ADAMTSL1: variants seen among roughly 807,000 people sequenced by gnomAD.
ADAMTSL1 encodes ADAMTS like 1, also known as ADAMTS-like protein 1.
Under a neutral mutation model 201.8 loss-of-function variants are expected in ADAMTSL1, and 126 were observed. The observed-to-expected ratio is 0.62, with a 90% CI of 0.54 to 0.72. The LOEUF (loss-of-function observed/expected upper bound fraction) is 0.72, where lower values mean the gene tolerates loss of function less well. Among genes scored for constraint, ADAMTSL1 ranks in the 30% least tolerant of loss-of-function variants. The pLI is 0.00. For synonymous variants in ADAMTSL1, 1,121 were observed against 903.4 expected, an observed-to-expected ratio of 1.24 and a Z score of -4.32; for missense variants, 2,679 against 2,277.8, an observed-to-expected ratio of 1.18 and a Z score of -3.59.
chr9:18,369,832 C>CT (rs1836962918), intron 2 of ADAMTSL1, among the ~76,000 whole-genome samples: 1 of 152,178 alleles, frequency 6.6e-6, no homozygotes, highest in South Asian at 2.1e-4. Flanking sequence ...AAGAATGAAA[C>CT]TGTCTTTTGC....
At chr9:18,670,289 T>C (rs1829733284) in intron 9 of ADAMTSL1, among the ~76,000 whole-genome samples, 1 of 152,216 alleles carries the variant, frequency 6.6e-6, no homozygotes, top group Non-Finnish European at 1.5e-5. Flanking sequence ...GCACGGTATC[T>C]GAAAGACACA....
At chr9:18,293,446 T>C (rs1169163017) in intron 2 of ADAMTSL1, among the ~76,000 whole-genome samples, 1 of 152,234 alleles carries the variant, frequency 6.6e-6, no homozygotes, top group African/African-American at 2.4e-5. Context: ...ATTAATTGAC[T>C]AGACCAGCAG....
At chr9:18,063,130 A>G (rs142723347) in intron 1 of ADAMTSL1, among the ~76,000 whole-genome samples, 1 of 152,156 alleles carries the variant, frequency 6.6e-6, no homozygotes, top group African/African-American at 2.4e-5. Flanking sequence ...GGAGTTCAAG[A>G]CCAGCCTGAG....
intron 23 of ADAMTSL1, among the ~76,000 whole-genome samples, chr9:18,860,539 T>C (rs959374905): frequency 6.6e-6 from 1 of 152,064 alleles, no homozygotes; most frequent in African/African-American, 2.4e-5. Flanking sequence ...ACTCCTGCTC[T>C]GGCCTTCTTA....
At position 18,509,329 on chromosome 9, in the gene ADAMTSL1, A is replaced by G. The variant is rs1422650650; in HGVS notation, c.191+4373A>G. Among the ~76,000 whole-genome samples, 8 of 149,204 alleles carry G rather than the reference A, an allele frequency of 5.4e-5. No individual in the cohort carries two copies. In the South Asian group the frequency reaches 1.1e-3, roughly 20 times the overall value. On this transcript the variant is annotated intron_variant, in intron 2 of 28. Transcript: ENST00000380548. Reference sequence around the variant, plus strand: ...GTTTTTTCCCTCAACAACTGGTTCTATCTATTCTAGTACCAGCAAGAATTT... The same window carrying G: ...GTTTTTTCCCTCAACAACTGGTTCTGTCTATTCTAGTACCAGCAAGAATTT...
chr9:18,857,078 C>A (rs938659361), intron 23 of ADAMTSL1, among the ~76,000 whole-genome samples: 1 of 152,020 alleles, frequency 6.6e-6, no homozygotes, highest in Non-Finnish European at 1.5e-5. Context: ...TGTTCTACTT[C>A]TTGGTTTGAG....
chr9:18,680,549 G>A, intron 11 of ADAMTSL1, 33 bp downstream of exon 11: 3 of 1,608,230 alleles, frequency 1.9e-6, no homozygotes, highest in Non-Finnish European at 2.6e-6. Flanking sequence ...TTCATTAGGA[G>A]AGTAAGTCCA....
At chr9:17,974,726 A>G (rs1323637589) in intron 1 of ADAMTSL1, among the ~76,000 whole-genome samples, 2 of 152,066 alleles carry the variant, frequency 1.3e-5, no homozygotes, top group East Asian at 1.9e-4. Context: ...GTAATGTTTC[A>G]TGATATATAT....
chr9:18,783,938 C>T (rs1347165792), intron 19 of ADAMTSL1, among the ~76,000 whole-genome samples: 1 of 152,194 alleles, frequency 6.6e-6, no homozygotes, highest in African/African-American at 2.4e-5. Context: ...GTCCATGCTG[C>T]TTTCATGCTT....
chr9:18,300,181 A>G (rs1035966941), intron 2 of ADAMTSL1, among the ~76,000 whole-genome samples: 2 of 152,218 alleles, frequency 1.3e-5, no homozygotes, highest in Non-Finnish European at 2.9e-5. Flanking sequence ...TTGCAGCACT[A>G]TTCACTATAG....
intron 2 of ADAMTSL1, among the ~76,000 whole-genome samples, chr9:18,425,293 G>C (rs1464255502): frequency 6.6e-6 from 1 of 152,060 alleles, no homozygotes; most frequent in Non-Finnish European, 1.5e-5. Context: ...AGAGTAATGT[G>C]AGTTTTCATA....
At chr9:18,222,542 T>C (rs1308297418) in intron 2 of ADAMTSL1, among the ~76,000 whole-genome samples, 1 of 151,866 alleles carries the variant, frequency 6.6e-6, no homozygotes, top group Admixed American at 6.6e-5. Flanking sequence ...TTACTGTTTT[T>C]GTTTAGGATT....
At position 18,248,860 on chromosome 9, in the gene ADAMTSL1, T is replaced by A. The variant is rs1358354358; in HGVS notation, c.207+84879T>A. Among the ~76,000 whole-genome samples, 4 of 152,216 alleles carry A rather than the reference T, an allele frequency of 2.6e-5. No homozygotes were observed. The South Asian group carries it at 8.3e-4, about 31-fold the overall frequency. ...AGAATGTATTGTGTGTATTATATTTTTTCTTACATAGTTGAATAAATCTCA... is the reference window on the plus strand; with the variant it reads ...AGAATGTATTGTGTGTATTATATTTATTCTTACATAGTTGAATAAATCTCA... On this transcript the variant is annotated intron_variant, in intron 2 of 29. Coordinates refer to the ADAMTSL1 transcript ENST00000680146.
intron 6 of ADAMTSL1, among the ~76,000 whole-genome samples, chr9:18,638,165 C>T (rs532741245): frequency 6.6e-6 from 1 of 152,208 alleles, no homozygotes; most frequent in Non-Finnish European, 1.5e-5. Flanking sequence ...TCTCCACAGA[C>T]TTCATTTGAG....
intron 6 of ADAMTSL1, among the ~76,000 whole-genome samples, chr9:18,638,152 A>G (rs1021425511): frequency 1.3e-5 from 2 of 152,090 alleles, no homozygotes; most frequent in African/African-American, 4.8e-5. Context: ...CTCCAGAAGA[A>G]AGTCTCCACA....
chr9:17,969,347 C>T (rs546844783), intron 1 of ADAMTSL1, among the ~76,000 whole-genome samples: 53 of 152,094 alleles, frequency 3.5e-4, no homozygotes, highest in Admixed American at 8.5e-4. Context: ...TGTGACAATG[C>T]TTTCTGGAAT....
At chr9:18,336,435 C>T (rs902854316) in intron 2 of ADAMTSL1, among the ~76,000 whole-genome samples, 4 of 151,540 alleles carry the variant, frequency 2.6e-5, no homozygotes, top group Admixed American at 2.6e-4. Context: ...AAGAAAGGTA[C>T]TTAGATTATT....
chr9:17,922,738 C>T (rs200656797), intron 1 of ADAMTSL1, among the ~76,000 whole-genome samples: 27,710 of 152,078 alleles, frequency 0.18, 3,342 homozygotes, highest in East Asian at 0.49. Flanking sequence ...GATTTTTTTC[C>T]CATCAGAGCA....
intron 2 of ADAMTSL1, among the ~76,000 whole-genome samples, chr9:18,438,236 AAAG>A (rs774321327): frequency 4.6e-5 from 7 of 152,158 alleles, no homozygotes; most frequent in Non-Finnish European, 8.8e-5. Flanking sequence ...AGAAAAAAAA[AAAG>A]GATAGGAATG....
Sources: allele counts gnomAD v4.1 joint callset (sites outside exome capture counted in the v4.1 genomes callset), GRCh38; gene constraint gnomAD v4.1.1; transcripts MANE v1.5; gene names NCBI Gene and HGNC (gene_info 2026-07-23, HGNC 2026-07-21).